PCCA: variants seen among roughly 807,000 people sequenced by gnomAD.
PCCA encodes propionyl-CoA carboxylase subunit alpha.
Under a neutral mutation model 101.3 loss-of-function variants are expected in PCCA, and 74 were observed. The observed-to-expected ratio is 0.73, with a 90% confidence interval of 0.61 to 0.89. The LOEUF is 0.89. PCCA is among the 40% of genes least tolerant of loss of function. PCCA has a pLI of 0.00. For synonymous variants in PCCA, 294 were observed against 313.6 expected (o/e 0.94, Z 0.66); for missense variants, 891 against 907.0 (o/e 0.98, Z 0.23).
At chr13:100,438,758 T>G (rs909853791) in intron 20 of PCCA, among the ~76,000 whole-genome samples, 3 of 151,806 alleles carry the variant, frequency 2.0e-5, no homozygotes, top group African/African-American at 4.8e-5. Flanking sequence ...ACCAACAAAT[T>G]GAGTTTCTTT....
At chr13:100,518,358 G>A (rs1259513279) in intron 22 of PCCA, among the ~76,000 whole-genome samples, 1 of 152,216 alleles carries the variant, frequency 6.6e-6, no homozygotes, top group Non-Finnish European at 1.5e-5. Flanking sequence ...AGGAAGAAGA[G>A]ATGTGGGGTG....
At chr13:100,130,709 G>A (rs558062219) in intron 4 of PCCA, among the ~76,000 whole-genome samples, 1 of 152,234 alleles carries the variant, frequency 6.6e-6, no homozygotes, top group Middle Eastern at 3.4e-3. Flanking sequence ...TTCCTCAAAT[G>A]GATAGTAGGT....
intron 8 of PCCA, among the ~76,000 whole-genome samples, chr13:100,256,673 A>G (rs2062095471): frequency 6.6e-6 from 1 of 152,140 alleles, no homozygotes; most frequent in African/African-American, 2.4e-5. Flanking sequence ...TAAGGATCCT[A>G]TAGCTTGAGT....
At chr13:100,425,184 G>A (rs1429198256) in intron 19 of PCCA, among the ~76,000 whole-genome samples, 2 of 152,084 alleles carry the variant, frequency 1.3e-5, no homozygotes, top group East Asian at 1.9e-4. Flanking sequence ...TCTAATTAAA[G>A]CTTCTGTTTA....
chr13:100,320,110 T>C (rs1031471139), intron 16 of PCCA, among the ~76,000 whole-genome samples: 1 of 152,240 alleles, frequency 6.6e-6, no homozygotes, highest in African/African-American at 2.4e-5. Flanking sequence ...AGTTGACTCA[T>C]GATTTGGCTC....
rs543918385 is a variant in PCCA at position 100,166,309 on chromosome 13, CTGTTTTGTTT to C, written c.468+8982_468+8991del. On this transcript the variant is annotated intron_variant, in intron 6 of 23. Transcript: ENST00000376285. ...TGTAATTGTGTCAGTACTTCATTCC[CTGTTTTGTTT>C]TGTTTTGTTTTGGAGACAGAGTTTC... is the stretch of plus-strand genomic sequence containing the variant. Among the ~76,000 whole-genome samples, 1,003 of 152,100 alleles carry C rather than the reference CTGTTTTGTTT, an allele frequency of 6.6e-3. 4 individuals are homozygous for C. The highest frequency in any genetic ancestry group is 9.0e-3 in the Non-Finnish European group (609 of 67,992).
Position 100,449,106 on chromosome 13 carries a change from C to T in PCCA, c.1846-146C>T, listed in dbSNP as rs1011339483. ...ATCACTACTTCATTCCTTTTTATGG[C>T]CAAATAATATTCCACTGTATGGCTA... On this transcript the variant is annotated intron_variant, in intron 20 of 23. Coordinates refer to ENST00000376285, the MANE Select transcript of PCCA (RefSeq NM_000282.4). 3 of 539,954 alleles carry T rather than the reference C, an allele frequency of 5.6e-6. No homozygotes were observed. In the Admixed American group the frequency reaches 1.1e-4, roughly 19 times the overall value. 33.4% of individuals were successfully genotyped at this position (539,954 alleles called of 1,614,324 possible). A position where few individuals can be genotyped will look rare whatever the true frequency, so the allele number is the denominator to read the frequency against.
At chr13:100,190,874 G>T (rs2057694330) in intron 6 of PCCA, among the ~76,000 whole-genome samples, 1 of 152,102 alleles carries the variant, frequency 6.6e-6, no homozygotes, top group Admixed American at 6.6e-5. Context: ...GAGATAGGTG[G>T]ATCATGAGGT....
intron 16 of PCCA, among the ~76,000 whole-genome samples, chr13:100,317,833 C>T (rs939218359): frequency 2.0e-5 from 3 of 152,050 alleles, no homozygotes; most frequent in Non-Finnish European, 2.9e-5. Flanking sequence ...AGTGACCCAC[C>T]CACCTCGGTT....
chr13:100,162,520 G>A (rs1395372041), intron 6 of PCCA, among the ~76,000 whole-genome samples: 5 of 152,178 alleles, frequency 3.3e-5, no homozygotes, highest in African/African-American at 1.2e-4. Flanking sequence ...GCTTTAGCTG[G>A]CATCTGTTCT....
At chr13:100,348,732 CTTTCTTTCTTTCTTTCTTTCTTT>C (rs1566975590) in intron 18 of PCCA, among the ~76,000 whole-genome samples, 153 of 100,564 alleles carry the variant, frequency 1.5e-3, no homozygotes, top group African/African-American at 5.8e-3. Flanking sequence ...TTTTTCCTTT[CTTTCTTTCTTTCTTTCTTTCTTT>C]CTTTCTTTCT....
intron 21 of PCCA, among the ~76,000 whole-genome samples, chr13:100,463,238 C>G (rs1001871513): frequency 6.6e-6 from 1 of 151,718 alleles, no homozygotes; most frequent in African/African-American, 2.4e-5. Context: ...AAGACCATTC[C>G]AAGGAGGTTG....
intron 21 of PCCA, among the ~76,000 whole-genome samples, chr13:100,462,134 A>C (rs1016621563): frequency 1.3e-5 from 2 of 152,192 alleles, no homozygotes; most frequent in Admixed American, 6.5e-5. Flanking sequence ...TTCAGGCAAA[A>C]TATGGGTAGA....
chr13:100,168,453 T>TCCTTTTTTGG (rs2055280723), intron 6 of PCCA, among the ~76,000 whole-genome samples: 1 of 152,220 alleles, frequency 6.6e-6, no homozygotes, highest in South Asian at 2.1e-4. Context: ...GGGGGCAGTT[T>TCCTTTTTTGG]CCTTTTTTGG....
chr13:100,296,123 T>C (rs541137763), intron 12 of PCCA, among the ~76,000 whole-genome samples: 1 of 152,314 alleles, frequency 6.6e-6, no homozygotes, highest in Admixed American at 6.5e-5. Context: ...TTATTTAACA[T>C]AGTGGGAGGA....
intron 6 of PCCA, among the ~76,000 whole-genome samples, chr13:100,162,287 A>T (rs1440224456): frequency 6.6e-6 from 1 of 152,212 alleles, no homozygotes; most frequent in Non-Finnish European, 1.5e-5. Flanking sequence ...ACCTGCAGGT[A>T]AGTTATTTAA....
chr13:100,312,193 A>G (rs2066973961), intron 16 of PCCA, among the ~76,000 whole-genome samples: 1 of 152,250 alleles, frequency 6.6e-6, no homozygotes, highest in African/African-American at 2.4e-5. Context: ...GTGTGAAAAC[A>G]TATGAAAAGA....
intron 1 of PCCA, among the ~76,000 whole-genome samples, chr13:100,098,694 G>T (rs1287571971): frequency 2.6e-5 from 4 of 152,210 alleles, no homozygotes; most frequent in African/African-American, 9.6e-5. Context: ...AGGGTGGGAT[G>T]ATGGAGCTCT....
At position 100,190,405 on chromosome 13, in the gene PCCA, G is replaced by A. The variant is rs567845781; in HGVS notation, c.469-18927G>A. ...GCCTTTAAAACCAAAAAGCGTGGCT[G>A]GGCGTGGTGGCTCACGCATGTAATC... is the stretch of plus-strand genomic sequence containing the variant. On this transcript the variant is annotated intron_variant, in intron 6 of 23. Transcript: ENST00000376285. 1.8e-4 allele frequency among the ~76,000 whole-genome samples: 28 copies of A among 152,332 alleles called. No individual in the cohort carries two copies. The Middle Eastern group carries it at 0.01, about 56-fold the overall frequency.
Sources: allele counts gnomAD v4.1 joint callset (sites outside exome capture counted in the v4.1 genomes callset), GRCh38; gene constraint gnomAD v4.1.1; transcripts MANE v1.5; gene names NCBI Gene and HGNC (gene_info 2026-07-23, HGNC 2026-07-21).